CADPS2: variants seen among roughly 807,000 people sequenced by gnomAD.
CADPS2 encodes the protein calcium dependent secretion activator 2.
A neutral mutation model predicts 172.5 loss-of-function variants in CADPS2; 93 were observed. The ratio of observed to expected loss-of-function variants is 0.54; its 90% CI spans 0.46 to 0.64. The LOEUF (loss-of-function observed/expected upper bound fraction) is 0.64. Among genes scored for constraint, CADPS2 ranks in the 30% least tolerant of loss-of-function variants. CADPS2 has a pLI of 0.00. For missense variants in CADPS2, 1,420 were observed against 1,565.9 expected, an observed-to-expected ratio of 0.91 and a Z score of 1.57; for synonymous variants, 546 against 555.2, an observed-to-expected ratio of 0.98 and a Z score of 0.23.
Position 122,663,502 on chromosome 7 carries a change from C to G in CADPS2, c.521G>C (p.Arg174Thr). The G allele has an allele frequency of 6.2e-7, 1 of 1,611,950 alleles. No individual in the cohort carries two copies. The highest frequency in any genetic ancestry group is 8.5e-7 in the Non-Finnish European group (1 of 1,178,762). The change falls in exon 3 of 30, where the codon AGA becomes ACA. Residue 174 changes from arginine (R) to threonine (T), a missense_variant. Physicochemically the swap from Arg to Thr is moderately conservative, Grantham distance 71 (BLOSUM62 -1). Coordinates refer to ENST00000449022, the MANE Select transcript of CADPS2 (RefSeq NM_017954.11). ...QSGGCSANDF[R>T]EVFKKNIEKR... ...TTCTATGTTTTTCTTAAATACTTCT[C>G]TGAAGTCATTAGCAGAACACCCTCC...
chr7:122,362,792 G>A (rs771962921), intron 25 of CADPS2, among the ~76,000 whole-genome samples: 1 of 152,188 alleles, frequency 6.6e-6, no homozygotes, highest in Non-Finnish European at 1.5e-5. Flanking sequence ...CTGGTGACCA[G>A]AGAACTCGCT....
intron 7 of CADPS2, among the ~76,000 whole-genome samples, chr7:122,561,299 G>A (rs573510746): frequency 1.2e-4 from 18 of 151,686 alleles, no homozygotes; most frequent in Non-Finnish European, 2.2e-4. Flanking sequence ...GCCCAACAGA[G>A]AACCACACAC....
intron 2 of CADPS2, among the ~76,000 whole-genome samples, chr7:122,694,501 A>G (rs1450206107): frequency 1.3e-5 from 2 of 152,178 alleles, no homozygotes; most frequent in Non-Finnish European, 2.9e-5. Context: ...TCATCACGGG[A>G]CACAGTAACT....
At chr7:122,625,921 G>A (rs892520852) in intron 4 of CADPS2, among the ~76,000 whole-genome samples, 48 of 151,956 alleles carry the variant, frequency 3.2e-4, no homozygotes, top group Admixed American at 4.6e-4. Flanking sequence ...TCTCCTATTG[G>A]CTCTGTCTCT....
At chr7:122,572,153 G>C (rs1181974180) in intron 7 of CADPS2, among the ~76,000 whole-genome samples, 1 of 152,100 alleles carries the variant, frequency 6.6e-6, no homozygotes, top group African/African-American at 2.4e-5. Flanking sequence ...AGCACTAAAT[G>C]ACTGACTGAT....
chr7:122,488,927 C>T (rs185774349), intron 11 of CADPS2, among the ~76,000 whole-genome samples: 116 of 152,028 alleles, frequency 7.6e-4, no homozygotes, highest in Non-Finnish European at 1.2e-3. Context: ...TGTGTATTAC[C>T]CAGAGGGTGA....
intron 1 of CADPS2, among the ~76,000 whole-genome samples, chr7:122,876,295 G>T (rs997623859): frequency 7.2e-5 from 11 of 152,240 alleles, no homozygotes; most frequent in African/African-American, 2.2e-4. Context: ...ACTGCAGCCT[G>T]GGCCACAGAG....
At chr7:122,754,888 T>C (rs1373380083) in intron 1 of CADPS2, among the ~76,000 whole-genome samples, 1 of 152,250 alleles carries the variant, frequency 6.6e-6, no homozygotes, top group Non-Finnish European at 1.5e-5. Context: ...GATGCTACTT[T>C]TAAACATTTC....
At chr7:122,326,409 C>T (rs2033886462) in intron 28 of CADPS2, among the ~76,000 whole-genome samples, 1 of 151,914 alleles carries the variant, frequency 6.6e-6, no homozygotes, top group Admixed American at 6.6e-5. Flanking sequence ...AATATTGTTC[C>T]TGTTTTCAAA....
At chr7:122,471,346 T>A in intron 14 of CADPS2, 29 bp downstream of exon 14, 1 of 1,448,790 alleles carries the variant, frequency 6.9e-7, no homozygotes. Flanking sequence ...ACCCCATACA[T>A]TTCACTTTGT....
At chr7:122,699,038 G>T in intron 2 of CADPS2, 2 of 682,732 alleles carry the variant, frequency 2.9e-6, no homozygotes, top group Non-Finnish European at 4.8e-6. Context: ...CTGTCTTCCA[G>T]CATGTTTTTG....
intron 9 of CADPS2, among the ~76,000 whole-genome samples, chr7:122,508,147 C>T (rs938550525): frequency 6.6e-5 from 10 of 151,846 alleles, no homozygotes; most frequent in African/African-American, 2.4e-4. Context: ...ACACTCAGAG[C>T]GTTTTGAAAT....
intron 1 of CADPS2, among the ~76,000 whole-genome samples, chr7:122,874,087 A>T (rs1309030469): frequency 6.6e-6 from 1 of 151,670 alleles, no homozygotes; most frequent in Non-Finnish European, 1.5e-5. Flanking sequence ...AGATTGCAAA[A>T]TTTTTCTCCC....
At chr7:122,603,190 T>A (rs555141978) in intron 6 of CADPS2, among the ~76,000 whole-genome samples, 1 of 152,204 alleles carries the variant, frequency 6.6e-6, no homozygotes, top group East Asian at 1.9e-4. Context: ...CATTTGAATG[T>A]AGCTAACTCT....
At chr7:122,564,847 GCA>G (rs113078322) in intron 7 of CADPS2, among the ~76,000 whole-genome samples, 5,965 of 145,414 alleles carry the variant, frequency 0.041, 153 homozygotes, top group Non-Finnish European at 0.046. Flanking sequence ...ACACACACAT[GCA>G]CACACACACA....
intron 7 of CADPS2, among the ~76,000 whole-genome samples, chr7:122,571,962 A>C (rs2067325648): frequency 1.3e-5 from 2 of 152,174 alleles, no homozygotes; most frequent in Admixed American, 6.6e-5. Flanking sequence ...AAAAATTAAT[A>C]ATCACTTTAG....
rs920421202 is a variant in CADPS2 at position 122,374,644 on chromosome 7, C to T, written c.3387+4724G>A. ...CACAAGATCAGAAAACCAAACACCG[C>T]ATGTTCTCACTTGTAAATGGGAGTT... On this transcript the variant is annotated intron_variant, in intron 25 of 29. Transcript: ENST00000449022. Among the ~76,000 whole-genome samples, 18 of 152,120 alleles carry T rather than the reference C, an allele frequency of 1.2e-4. 1 individual carries two copies. The highest frequency in any genetic ancestry group is 2.1e-4 in the South Asian group (1 of 4,822).
chr7:122,396,808 T>TGCTGACATATTTCTC (rs2045202114), intron 20 of CADPS2, among the ~76,000 whole-genome samples: 1 of 152,192 alleles, frequency 6.6e-6, no homozygotes, highest in Non-Finnish European at 1.5e-5. Context: ...ACATATTTCT[T>TGCTGACATATTTCTC]GCTGACATAT....
At chr7:122,832,196 G>C (rs919435572) in intron 1 of CADPS2, among the ~76,000 whole-genome samples, 2 of 151,712 alleles carry the variant, frequency 1.3e-5, no homozygotes, top group Non-Finnish European at 2.9e-5. Context: ...AAAACCATCA[G>C]CAGGTTACTT....
Sources: gnomAD v4.1 joint callset for allele counts (sites outside exome capture counted in the v4.1 genomes callset) on GRCh38, gnomAD v4.1.1 for gene constraint, MANE v1.5 for transcripts, NCBI Gene and HGNC (gene_info 2026-07-23, HGNC 2026-07-21) for gene names.